ETV6: variants seen among roughly 807,000 people sequenced by gnomAD.
ETV6 encodes transcription factor ETV6.
In ETV6, 16 loss-of-function variants were observed where a neutral mutation model predicts 51.1. The observed-to-expected ratio is 0.31, with a 90% CI of 0.21 to 0.48. The LOEUF (loss-of-function observed/expected upper bound fraction) is 0.48. Ranked by LOEUF, ETV6 falls within the 20% of genes least tolerant of loss-of-function variation. The pLI, the probability that ETV6 is intolerant of heterozygous loss-of-function variation, is 0.99. For synonymous variants in ETV6, 240 were observed against 224.1 expected, an observed-to-expected ratio of 1.07 and a Z score of -0.64; for missense variants, 458 against 594.8, an observed-to-expected ratio of 0.77 and a Z score of 2.39.
chr12:11,761,217 A>AT (rs554023975), intron 2 of ETV6, among the ~76,000 whole-genome samples: 40 of 151,656 alleles, frequency 2.6e-4, no homozygotes, highest in African/African-American at 4.6e-4. Context: ...TAACAGGCTG[A>AT]TTTTTTTTTC....
chr12:11,712,830 A>G (rs945252864), intron 1 of ETV6, among the ~76,000 whole-genome samples: 1 of 152,204 alleles, frequency 6.6e-6, no homozygotes, highest in African/African-American at 2.4e-5. Flanking sequence ...GACACCTGAA[A>G]TCAACCATCC....
At chr12:11,805,974 C>G in intron 2 of ETV6, among the ~76,000 whole-genome samples, 1 of 152,214 alleles carries the variant, frequency 6.6e-6, no homozygotes, top group East Asian at 1.9e-4. Flanking sequence ...GTTTGCTCAA[C>G]TCATGGATAT....
At chr12:11,816,239 T>G (rs530177273) in intron 2 of ETV6, among the ~76,000 whole-genome samples, 1 of 152,210 alleles carries the variant, frequency 6.6e-6, no homozygotes, top group East Asian at 1.9e-4. Flanking sequence ...ACAGTTAGCT[T>G]TATGTTTTTG....
At chr12:11,750,890 T>G (rs751301004) in intron 1 of ETV6, 2 of 483,966 alleles carry the variant, frequency 4.1e-6, no homozygotes, top group Non-Finnish European at 8.0e-6. Context: ...AAAATACATG[T>G]GATGCCTGCT....
chr12:11,862,340 A>C (rs1205848253), intron 4 of ETV6, among the ~76,000 whole-genome samples: 2 of 152,228 alleles, frequency 1.3e-5, no homozygotes, highest in African/African-American at 4.8e-5. Flanking sequence ...GAAAGACTCC[A>C]AACCAAGCAA....
intron 1 of ETV6, chr12:11,751,495 T>C (rs1196345382): frequency 1.6e-5 from 8 of 515,550 alleles, no homozygotes; most frequent in Non-Finnish European, 3.1e-5. Context: ...GGCATGTTGA[T>C]CTAAGCTACA....
intron 1 of ETV6, among the ~76,000 whole-genome samples, chr12:11,740,792 A>G (rs934802005): frequency 6.6e-6 from 1 of 152,236 alleles, no homozygotes; most frequent in African/African-American, 2.4e-5. Context: ...CGTAGACTTT[A>G]TCATGATGGC....
intron 4 of ETV6, among the ~76,000 whole-genome samples, chr12:11,860,115 C>A (rs2136511077): frequency 2.0e-5 from 3 of 152,284 alleles, no homozygotes; most frequent in African/African-American, 7.2e-5. Context: ...GAGGAGCCAG[C>A]CCCTCAGTGC....
rs112659697 is a variant in ETV6 at position 11,892,622 on chromosome 12, C to A, written c.*1576C>A. 9.7e-4 allele frequency: 225 copies of A among 232,914 alleles called. 1 individual carries two copies. The highest frequency in any genetic ancestry group is 4.7e-3 in the African/African-American group (213 of 45,360). The allele number at this position is 232,914 out of a possible 1,614,324, so 14.4% of individuals were successfully genotyped here. On this transcript the variant is annotated 3_prime_UTR_variant, in exon 8 of 8. Coordinates refer to ENST00000396373, the MANE Select transcript of ETV6 (RefSeq NM_001987.5). ...AGATTACACCTGCCTTACAAAGCAC[C>A]CCCTCCTTGTTCCCCTCTGTTTCCT... is the stretch of plus-strand genomic sequence containing the variant.
intron 7 of ETV6, among the ~76,000 whole-genome samples, chr12:11,888,398 CT>C (rs1555148147): frequency 8.1e-4 from 65 of 80,692 alleles, no homozygotes; most frequent in African/African-American, 2.4e-3. Flanking sequence ...CTTTTCTTTT[CT>C]TTTTTTTTTT....
intron 3 of ETV6, 95 bp downstream of exon 3, chr12:11,839,399 A>C: frequency 8.2e-7 from 1 of 1,226,534 alleles, no homozygotes; most frequent in Non-Finnish European, 1.1e-6. Flanking sequence ...AGAAATCCCA[A>C]CAGTGAGTCA....
intron 1 of ETV6, among the ~76,000 whole-genome samples, chr12:11,667,946 C>T (rs187475473): frequency 1.7e-4 from 26 of 152,070 alleles, no homozygotes; most frequent in African/African-American, 6.0e-4. Flanking sequence ...GCGATCCACC[C>T]GCTTCGGCCT....
chr12:11,669,981 C>A (rs1864282374), intron 1 of ETV6, among the ~76,000 whole-genome samples: 1 of 152,170 alleles, frequency 6.6e-6, no homozygotes, highest in East Asian at 1.9e-4. Flanking sequence ...CTTCTCTCTG[C>A]TTTTCGATGA....
At chr12:11,877,189 A>G (rs2283340) in intron 5 of ETV6, among the ~76,000 whole-genome samples, 25,471 of 152,242 alleles carry the variant, frequency 0.17, 2,754 homozygotes, top group Non-Finnish European at 0.23. Context: ...GCTTATCCTC[A>G]GGGGCTTCAA....
chr12:11,865,313 A>G (rs973681444), intron 4 of ETV6, among the ~76,000 whole-genome samples: 3 of 151,900 alleles, frequency 2.0e-5, no homozygotes, highest in African/African-American at 7.2e-5. Context: ...AAATCATAAT[A>G]GAACCATCAT....
chr12:11,796,700 T>G (rs531592459), intron 2 of ETV6, among the ~76,000 whole-genome samples: 1 of 152,236 alleles, frequency 6.6e-6, no homozygotes, highest in South Asian at 2.1e-4. Flanking sequence ...GTTTCTTCTC[T>G]ATAAACTTTC....
At chr12:11,707,219 A>G (rs1194973532) in intron 1 of ETV6, among the ~76,000 whole-genome samples, 2 of 152,062 alleles carry the variant, frequency 1.3e-5, no homozygotes, top group Non-Finnish European at 2.9e-5. Context: ...GTTGGAGAGG[A>G]AAAAAAATCA....
At chr12:11,650,347 C>CCA (rs1863870099) in intron 1 of ETV6, among the ~76,000 whole-genome samples, 187 bp downstream of exon 1, 1 of 146,602 alleles carries the variant, frequency 6.8e-6, no homozygotes, top group East Asian at 2.0e-4. Flanking sequence ...TTGCTACTCC[C>CCA]CCCCACCGCC....
intron 3 of ETV6, among the ~76,000 whole-genome samples, chr12:11,841,322 A>T (rs899472758): frequency 8.6e-6 from 1 of 116,676 alleles, no homozygotes; most frequent in Non-Finnish European, 1.6e-5. Flanking sequence ...TAGAGGCAGG[A>T]TTGCGTTGAT....
Sources: allele counts gnomAD v4.1 joint callset (sites outside exome capture counted in the v4.1 genomes callset), GRCh38; gene constraint gnomAD v4.1.1; transcripts MANE v1.5; gene names NCBI Gene and HGNC (gene_info 2026-07-23, HGNC 2026-07-21).